ZBTB20: variants seen among roughly 807,000 people sequenced by gnomAD.
ZBTB20 encodes the protein zinc finger and BTB domain-containing protein 20.
A neutral mutation model predicts 56.9 loss-of-function variants in ZBTB20; 9 were observed. That is an observed-to-expected ratio of 0.16 (90% CI 0.10 to 0.28). The LOEUF is 0.28. Among genes scored for constraint, ZBTB20 ranks in the 10% least tolerant of loss-of-function variants. ZBTB20 has a pLI of 1.00. For missense variants in ZBTB20, 655 were observed against 1,003.0 expected, an observed-to-expected ratio of 0.65 and a Z score of 4.69; for synonymous variants, 417 against 420.7, an observed-to-expected ratio of 0.99 and a Z score of 0.11.
At chr3:114,619,797 T>C (rs1332539565) in intron 6 of ZBTB20, among the ~76,000 whole-genome samples, 1 of 152,210 alleles carries the variant, frequency 6.6e-6, no homozygotes, top group Non-Finnish European at 1.5e-5. Flanking sequence ...TTAGTGCTTG[T>C]TAAGACAGTG....
intron 5 of ZBTB20, among the ~76,000 whole-genome samples, chr3:114,787,872 C>A (rs1246075937): frequency 2.0e-5 from 3 of 152,078 alleles, no homozygotes; most frequent in African/African-American, 7.2e-5. Context: ...GCAGTTCTAC[C>A]TCCCTGCCAT....
chr3:115,024,325 C>T (rs922297180), intron 2 of ZBTB20, among the ~76,000 whole-genome samples: 1 of 150,958 alleles, frequency 6.6e-6, no homozygotes, highest in Non-Finnish European at 1.5e-5. Flanking sequence ...GAAGAGCTTA[C>T]AACCTAGGTG....
At chr3:114,618,120 G>A (rs1175224175) in intron 6 of ZBTB20, among the ~76,000 whole-genome samples, 2 of 148,528 alleles carry the variant, frequency 1.3e-5, no homozygotes, top group Non-Finnish European at 3.0e-5. Context: ...CCCAACCCCT[G>A]GAATAGTGTT....
At chr3:114,992,278 T>C (rs766602191) in intron 2 of ZBTB20, among the ~76,000 whole-genome samples, 2 of 152,010 alleles carry the variant, frequency 1.3e-5, no homozygotes, top group Non-Finnish European at 2.9e-5. Context: ...AAGTGCTAAA[T>C]ATATTAATCA....
chr3:114,402,815 G>C (rs1439521237), intron 7 of ZBTB20, among the ~76,000 whole-genome samples: 1 of 152,110 alleles, frequency 6.6e-6, no homozygotes, highest in African/African-American at 2.4e-5. Flanking sequence ...GAATGGTTCT[G>C]ACTTCTGGAA....
intron 6 of ZBTB20, among the ~76,000 whole-genome samples, chr3:114,610,407 G>A (rs2057463212): frequency 6.6e-6 from 1 of 152,136 alleles, no homozygotes; most frequent in Non-Finnish European, 1.5e-5. Flanking sequence ...AGGCCGATAG[G>A]TCTCCTATTC....
At chr3:114,933,226 A>G (rs967788522) in intron 3 of ZBTB20, among the ~76,000 whole-genome samples, 11 of 152,214 alleles carry the variant, frequency 7.2e-5, no homozygotes, top group African/African-American at 2.7e-4. Context: ...TGTTGTTTTA[A>G]GTCCCTGTAT....
At chr3:114,609,800 C>T (rs2057420110) in intron 6 of ZBTB20, among the ~76,000 whole-genome samples, 1 of 152,106 alleles carries the variant, frequency 6.6e-6, no homozygotes, top group African/African-American at 2.4e-5. Context: ...AGCATCAGGA[C>T]AGCATTAAAC....
chr3:114,779,033 T>C (rs1412046197), intron 5 of ZBTB20, among the ~76,000 whole-genome samples: 2 of 152,156 alleles, frequency 1.3e-5, no homozygotes, highest in African/African-American at 4.8e-5. Flanking sequence ...TCTCAATGTG[T>C]TGTCTTTTCA....
intron 3 of ZBTB20, among the ~76,000 whole-genome samples, chr3:114,949,989 T>C (rs1387100511): frequency 6.6e-6 from 1 of 152,050 alleles, no homozygotes; most frequent in African/African-American, 2.4e-5. Flanking sequence ...AATAAACATA[T>C]GAAAAGACGC....
At chr3:114,584,955 T>C (rs549533106) in intron 6 of ZBTB20, among the ~76,000 whole-genome samples, 22 of 152,106 alleles carry the variant, frequency 1.4e-4, no homozygotes, top group African/African-American at 5.3e-4. Flanking sequence ...AAGGCCAAAG[T>C]CTTAGGGCAA....
chr3:114,466,612 A>G (rs1162828964), intron 7 of ZBTB20, among the ~76,000 whole-genome samples: 1 of 152,240 alleles, frequency 6.6e-6, no homozygotes, highest in Non-Finnish European at 1.5e-5. Context: ...CCAAAGCAAG[A>G]TACTATGGCC....
intron 6 of ZBTB20, among the ~76,000 whole-genome samples, chr3:114,506,468 T>C (rs1156484644): frequency 6.6e-6 from 1 of 152,116 alleles, no homozygotes; most frequent in Non-Finnish European, 1.5e-5. Context: ...GCAGTAGTGC[T>C]GGGAGGGGTG....
intron 1 of ZBTB20, among the ~76,000 whole-genome samples, chr3:115,131,773 C>T (rs1244964367): frequency 2.0e-5 from 3 of 152,120 alleles, no homozygotes; most frequent in South Asian, 2.1e-4. Flanking sequence ...TGTTAAGGTG[C>T]AAAATGGGAA....
At chr3:114,406,287 T>C (rs1362510124) in intron 7 of ZBTB20, among the ~76,000 whole-genome samples, 7 of 152,114 alleles carry the variant, frequency 4.6e-5, no homozygotes, top group Non-Finnish European at 1.0e-4. Context: ...TCTTTATCAT[T>C]TGAAATAGGA....
intron 2 of ZBTB20, among the ~76,000 whole-genome samples, chr3:114,996,670 G>A (rs553883731): frequency 4.6e-5 from 7 of 151,942 alleles, no homozygotes; most frequent in East Asian, 3.9e-4. Context: ...ATAAACATAC[G>A]TGTATTTTTT....
At chr3:115,104,739 G>T (rs1451821996) in intron 1 of ZBTB20, among the ~76,000 whole-genome samples, 2 of 152,128 alleles carry the variant, frequency 1.3e-5, no homozygotes, top group African/African-American at 2.4e-5. Context: ...AAGAACACAG[G>T]ATTTTCAAGG....
chr3:115,125,284 A>C (rs2084295507), intron 1 of ZBTB20, among the ~76,000 whole-genome samples: 1 of 151,752 alleles, frequency 6.6e-6, no homozygotes. Context: ...TCAAGACAGG[A>C]GTGAACCATG....
At chr3:114,871,074 C>A (rs7623878) in intron 4 of ZBTB20, among the ~76,000 whole-genome samples, 114,327 of 152,038 alleles carry the variant, frequency 0.75, 47,341 homozygotes, top group East Asian at 0.99. Flanking sequence ...GAAGTCTTTT[C>A]TGTGATACAA....
Sources: gnomAD v4.1 joint callset for allele counts (sites outside exome capture counted in the v4.1 genomes callset) on GRCh38, gnomAD v4.1.1 for gene constraint, MANE v1.5 for transcripts, NCBI Gene and HGNC (gene_info 2026-07-23, HGNC 2026-07-21) for gene names.